PCDH11Y: variants seen among roughly 807,000 people sequenced by gnomAD.
PCDH11Y encodes the protein protocadherin 11 Y-linked.
For synonymous variants in PCDH11Y, 9 were observed against 83.6 expected (o/e 0.11, Z 4.87); for missense variants, 12 against 224.8 (o/e 0.05, Z 6.05).
At chrY:5,317,903 A>C in intron 2 of PCDH11Y, among the ~76,000 whole-genome samples, 1 of 33,068 alleles carries the variant, frequency 3.0e-5, no homozygotes, top group Non-Finnish European at 7.4e-5. Flanking sequence ...TTGATACATA[A>C]ATATTATTTC....
intron 2 of PCDH11Y, among the ~76,000 whole-genome samples, chrY:5,284,620 G>A: frequency 3.1e-5 from 1 of 32,374 alleles, no homozygotes; most frequent in Non-Finnish European, 7.6e-5. Flanking sequence ...ATTGTTGCAA[G>A]CACTAAAATT....
At chrY:5,238,707 T>G (rs1602891698) in intron 2 of PCDH11Y, among the ~76,000 whole-genome samples, 4 of 31,610 alleles carry the variant, frequency 1.3e-4, no homozygotes, top group Middle Eastern at 0.029. Context: ...AATCTACAAA[T>G]AACTCAAACA....
intron 2 of PCDH11Y, among the ~76,000 whole-genome samples, chrY:5,203,570 T>A (rs2052929069): frequency 3.2e-5 from 1 of 31,414 alleles, no homozygotes; most frequent in African/African-American, 1.3e-4. Flanking sequence ...ATATGTTGAA[T>A]TTTCTGTATA....
chrY:5,600,326 G>A (rs2124699433), intron 4 of PCDH11Y, among the ~76,000 whole-genome samples: 1 of 28,465 alleles, frequency 3.5e-5, no homozygotes, highest in East Asian at 9.2e-4. Context: ...TTTTTAGTAG[G>A]ATGGGGGTTT....
intron 2 of PCDH11Y, among the ~76,000 whole-genome samples, chrY:5,408,580 C>A: frequency 3.1e-5 from 1 of 32,548 alleles, no homozygotes. Context: ...GCTGGGATAA[C>A]AGGCACCCAC....
chrY:5,641,829 C>A, intron 4 of PCDH11Y, among the ~76,000 whole-genome samples: 5 of 33,312 alleles, frequency 1.5e-4, no homozygotes, highest in African/African-American at 2.3e-4. Context: ...TAAAGAACAA[C>A]AAAGTGAAGT....
At chrY:5,554,959 G>T in intron 3 of PCDH11Y, among the ~76,000 whole-genome samples, 1 of 32,272 alleles carries the variant, frequency 3.1e-5, no homozygotes, top group South Asian at 7.2e-4. Context: ...TCAGACCTTA[G>T]AATGGTAGAT....
intron 1 of PCDH11Y, among the ~76,000 whole-genome samples, chrY:5,069,445 C>T: frequency 3.1e-5 from 1 of 32,654 alleles, no homozygotes; most frequent in Non-Finnish European, 7.5e-5. Flanking sequence ...AATGTGTGAC[C>T]GAGTTTCTCC....
chrY:5,423,997 G>A lies in PCDH11Y; in HGVS notation c.3130-77060G>A. Among the ~76,000 whole-genome samples, 4 of 33,317 alleles carry A rather than the reference G, an allele frequency of 1.2e-4. No homozygotes were observed. In the South Asian group the frequency reaches 2.7e-3, roughly 22 times the overall value. 89.4% of individuals were successfully genotyped at this position (33,317 alleles called of 37,273 possible). A position where few individuals can be genotyped will look rare whatever the true frequency, so the allele number is the denominator to read the frequency against. On this transcript the variant is annotated intron_variant, in intron 2 of 4. Coordinates refer to the PCDH11Y transcript ENST00000400457. ...AGAAATTTACAGCAAAACAAACTCA[G>A]ACCTGTAACTTCTACCATGTCTAAA... is the stretch of plus-strand genomic sequence containing the variant.
intron 2 of PCDH11Y, among the ~76,000 whole-genome samples, chrY:5,279,188 G>A (rs2053048347): frequency 3.2e-5 from 1 of 31,087 alleles, no homozygotes; most frequent in Non-Finnish European, 7.7e-5. Context: ...ATCACCTGAG[G>A]TCGGGAGTTC....
At chrY:5,444,587 C>G in intron 2 of PCDH11Y, among the ~76,000 whole-genome samples, 1 of 32,981 alleles carries the variant, frequency 3.0e-5, no homozygotes, top group African/African-American at 1.2e-4. Flanking sequence ...TGTGGAGCAA[C>G]TGAAACTCTC....
chrY:5,013,004 T>C (rs2563544), intron 1 of PCDH11Y, among the ~76,000 whole-genome samples: 8 of 30,712 alleles, frequency 2.6e-4, no homozygotes, highest in African/African-American at 9.0e-4. Context: ...CGCCCGCCAC[T>C]GCGCCTGGCT....
intron 2 of PCDH11Y, among the ~76,000 whole-genome samples, chrY:5,261,365 C>T (rs2124658101): frequency 3.0e-5 from 1 of 33,011 alleles, no homozygotes; most frequent in East Asian, 8.1e-4. Flanking sequence ...AATTTCCTAG[C>T]GACTTGTTAA....
chrY:5,376,568 G>A, intron 2 of PCDH11Y, among the ~76,000 whole-genome samples: 1 of 33,169 alleles, frequency 3.0e-5, no homozygotes, highest in African/African-American at 1.2e-4. Context: ...ATTTATTTTC[G>A]AATATAATTT....
At chrY:5,120,105 G>T in intron 2 of PCDH11Y, among the ~76,000 whole-genome samples, 1 of 32,821 alleles carries the variant, frequency 3.0e-5, no homozygotes, top group Non-Finnish European at 7.5e-5. Context: ...TGGATTTGCA[G>T]GTTTTAGCTG....
intron 2 of PCDH11Y, among the ~76,000 whole-genome samples, chrY:5,388,642 A>C: frequency 3.0e-5 from 1 of 33,255 alleles, no homozygotes; most frequent in Non-Finnish European, 7.4e-5. Flanking sequence ...AGGTCTCCAC[A>C]CACTGCTCTG....
At chrY:5,435,076 G>A in intron 2 of PCDH11Y, among the ~76,000 whole-genome samples, 5 of 33,359 alleles carry the variant, frequency 1.5e-4, no homozygotes, top group Non-Finnish European at 3.7e-4. Flanking sequence ...ACTTTGGGGC[G>A]AAGACCTTAA....
chrY:5,642,488 C>T (rs2124705174), intron 4 of PCDH11Y, among the ~76,000 whole-genome samples: 1 of 32,558 alleles, frequency 3.1e-5, no homozygotes, highest in East Asian at 8.2e-4. Flanking sequence ...TCTTTGAATC[C>T]CTTTCTAGAT....
chrY:5,038,002 G>A (rs2052602072), intron 3 of PCDH11Y, among the ~76,000 whole-genome samples: 1 of 32,389 alleles, frequency 3.1e-5, no homozygotes, highest in Admixed American at 2.9e-4. Flanking sequence ...GTGTTAAATC[G>A]GTGGTATTCA....
Sources: gnomAD v4.1 joint callset for allele counts (sites outside exome capture counted in the v4.1 genomes callset) on GRCh38, gnomAD v4.1.1 for gene constraint, MANE v1.5 for transcripts, NCBI Gene and HGNC (gene_info 2026-07-23, HGNC 2026-07-21) for gene names.